ZFHX3: variants seen among roughly 807,000 people sequenced by gnomAD.
The protein encoded by ZFHX3 is zinc finger homeobox 3.
A neutral mutation model predicts 279.1 loss-of-function variants in ZFHX3; 42 were observed. The observed-to-expected ratio is 0.15, with a 90% CI of 0.12 to 0.19. The LOEUF is 0.19. Ranked by LOEUF, ZFHX3 falls within the 10% of genes least tolerant of loss-of-function variation. ZFHX3 has a pLI of 1.00. For missense variants in ZFHX3, 4,981 were observed against 4,754.0 expected (o/e 1.05, Z -1.40); for synonymous variants, 2,293 against 1,957.8 (o/e 1.17, Z -4.52).
At chr16:73,069,578 G>A (rs1220106073) in intron 8 of ZFHX3, among the ~76,000 whole-genome samples, 3 of 148,988 alleles carry the variant, frequency 2.0e-5, no homozygotes, top group Admixed American at 1.3e-4. Flanking sequence ...ATGAAAGGTG[G>A]TTTTGTTTTA....
intron 3 of ZFHX3, among the ~76,000 whole-genome samples, chr16:73,420,475 G>T (rs1024813778): frequency 1.3e-5 from 2 of 152,148 alleles, no homozygotes; most frequent in African/African-American, 4.8e-5. Context: ...GCATTATCGG[G>T]TAGATGCCAG....
chr16:73,545,879 A>AGAT (rs1292338756), intron 2 of ZFHX3, among the ~76,000 whole-genome samples: 1 of 152,164 alleles, frequency 6.6e-6, no homozygotes, highest in African/African-American at 2.4e-5. Context: ...CTGAACAACA[A>AGAT]GATATTGCAG....
intron 1 of ZFHX3, among the ~76,000 whole-genome samples, chr16:73,851,654 G>C (rs1243013311): frequency 2.6e-5 from 4 of 152,168 alleles, no homozygotes. Context: ...CTTCTTTAGA[G>C]GGGACGACGA....
At chr16:73,181,069 G>A (rs879456725) in intron 5 of ZFHX3, among the ~76,000 whole-genome samples, 36 of 118,112 alleles carry the variant, frequency 3.0e-4, no homozygotes, top group Admixed American at 1.7e-3. Context: ...GCTGCAGCTA[G>A]TTTTTTTGTT....
rs1464571247 is a variant in ZFHX3 at position 72,959,574 on chromosome 16, T to C, written c.572A>G (p.Tyr191Cys). 4 of 1,614,116 alleles carry C rather than the reference T, an allele frequency of 2.5e-6. No individual in the cohort carries two copies. The East Asian group carries it at 8.9e-5, about 36-fold the overall frequency. Residue 191 changes from tyrosine (Y) to cysteine (C), a missense_variant, in exon 2 of 10, where the codon TAC becomes TGC. Tyr to Cys is a radical substitution (Grantham distance 194). Coordinates refer to ENST00000268489, the MANE Select transcript of ZFHX3 (RefSeq NM_006885.4). ...QGDPSCAAPV[Y>C]PQIINTFHIA... ...GTGGAAAGTGTTGATGATCTGCGGGTACACGGGTGCAGCACACGAAGGGTC... is the reference window on the plus strand; with the variant it reads ...GTGGAAAGTGTTGATGATCTGCGGGCACACGGGTGCAGCACACGAAGGGTC...
chr16:73,308,842 T>C (rs2015255917), intron 4 of ZFHX3, among the ~76,000 whole-genome samples: 1 of 149,874 alleles, frequency 6.7e-6, no homozygotes, highest in African/African-American at 2.4e-5. Context: ...TATATTATAT[T>C]AAAATATATC....
chr16:73,013,857 C>T (rs1303842002), intron 1 of ZFHX3, among the ~76,000 whole-genome samples: 1 of 152,134 alleles, frequency 6.6e-6, no homozygotes, highest in Admixed American at 6.5e-5. Flanking sequence ...GCACCAATTC[C>T]TCCACAGGAC....
intron 2 of ZFHX3, among the ~76,000 whole-genome samples, chr16:73,663,781 T>C (rs1180584725): frequency 1.3e-5 from 2 of 152,142 alleles, no homozygotes; most frequent in South Asian, 2.1e-4. Context: ...AAAACCAAGA[T>C]GGGTAGTGCT....
chr16:73,554,335 T>C (rs575320312), intron 2 of ZFHX3: 1 of 152,358 alleles, frequency 6.6e-6, no homozygotes, highest in East Asian at 1.9e-4. Flanking sequence ...GCCATTTCTT[T>C]ACTCTGGATG....
intron 1 of ZFHX3, among the ~76,000 whole-genome samples, chr16:73,721,380 C>T (rs2053472527): frequency 6.6e-6 from 1 of 152,186 alleles, no homozygotes; most frequent in South Asian, 2.1e-4. Flanking sequence ...CCTTGGCCTC[C>T]CAAAGTGCTG....
At chr16:73,540,305 A>G (rs745351191) in intron 2 of ZFHX3, among the ~76,000 whole-genome samples, 2 of 152,228 alleles carry the variant, frequency 1.3e-5, no homozygotes, top group Non-Finnish European at 2.9e-5. Flanking sequence ...TTTCACGTGA[A>G]ACTCTTTTTT....
At chr16:73,420,150 A>C (rs975856529) in intron 3 of ZFHX3, 1 of 152,140 alleles carries the variant, frequency 6.6e-6, no homozygotes, top group African/African-American at 2.4e-5. Flanking sequence ...TCAAGCCATC[A>C]GCCTGCCTCA....
At chr16:73,137,508 T>G (rs1659260770) in intron 6 of ZFHX3, 1 of 152,128 alleles carries the variant, frequency 6.6e-6, no homozygotes, top group Non-Finnish European at 1.5e-5. Context: ...CCGTTTTAGT[T>G]TATTTGAAGG....
At chr16:73,881,516 T>A (rs2030164557) in intron 1 of ZFHX3, among the ~76,000 whole-genome samples, 1 of 118,042 alleles carries the variant, frequency 8.5e-6, no homozygotes, top group Admixed American at 1.1e-4. Flanking sequence ...TTACTGCTAC[T>A]CTAAGCAGGC....
At chr16:73,435,343 G>T (rs2017978573) in intron 3 of ZFHX3, among the ~76,000 whole-genome samples, 2 of 152,046 alleles carry the variant, frequency 1.3e-5, no homozygotes, top group African/African-American at 4.8e-5. Context: ...TAAGTAGCTG[G>T]GACTACATGC....
At chr16:73,764,148 C>T (rs1031014047) in intron 1 of ZFHX3, among the ~76,000 whole-genome samples, 9 of 152,124 alleles carry the variant, frequency 5.9e-5, no homozygotes, top group Admixed American at 1.3e-4. Context: ...AAAACTAATA[C>T]GCAAGCTGTG....
chr16:73,509,858 G>T lies in ZFHX3; in HGVS notation c.-1546-53600C>A, dbSNP rs139753256. ...TCATAGGGACCCACCACCATGCCCG[G>T]CTGATTTTTGCATTTTTAGTAGAGA... On this transcript the variant is annotated intron_variant, in intron 2 of 17. Coordinates refer to the ZFHX3 transcript ENST00000641206. Among the ~76,000 whole-genome samples the T allele has an allele frequency of 3.4e-3, 514 of 152,190 alleles. 2 individuals are homozygous for T. Among genetic ancestry groups the T allele is most frequent in the African/African-American group, 0.012 (493 of 41,512 alleles).
chr16:73,244,524 T>C (rs2013223398), intron 5 of ZFHX3, among the ~76,000 whole-genome samples: 1 of 152,196 alleles, frequency 6.6e-6, no homozygotes, highest in African/African-American at 2.4e-5. Context: ...GGAAAGAGAT[T>C]CTTTCCCAGC....
intron 3 of ZFHX3, among the ~76,000 whole-genome samples, chr16:72,906,459 T>G (rs537926832): frequency 1.3e-5 from 2 of 151,954 alleles, no homozygotes; most frequent in East Asian, 3.9e-4. Context: ...TGGAGAACTG[T>G]GAGGAATTTC....
Sources: allele counts gnomAD v4.1 joint callset (sites outside exome capture counted in the v4.1 genomes callset), GRCh38; gene constraint gnomAD v4.1.1; transcripts MANE v1.5; gene names NCBI Gene and HGNC (gene_info 2026-07-23, HGNC 2026-07-21).